ABCA7: variants seen among roughly 807,000 people sequenced by gnomAD.
ABCA7 encodes the protein ATP binding cassette subfamily A member 7.
Under a neutral mutation model 227.6 loss-of-function variants are expected in ABCA7, and 261 were observed. That is an observed-to-expected ratio of 1.15 (90% confidence interval 1.04 to 1.27). ABCA7 has a LOEUF of 1.27. ABCA7 is among the 50% of genes most tolerant of loss of function. The probability of loss-of-function intolerance (pLI) is 0.00; values close to 1 mark genes in which losing one functional copy is unlikely to be tolerated. For missense variants in ABCA7, 3,331 were observed against 2,924.5 expected (o/e 1.14, Z -3.21); for synonymous variants, 1,488 against 1,279.7 (o/e 1.16, Z -3.47).
At position 1,042,076 on chromosome 19, in the gene ABCA7, G is replaced by A. The variant is rs371660184; in HGVS notation, c.315G>A (p.Leu105=). The A allele has an allele frequency of 2.5e-6, 4 of 1,593,954 alleles. No individual in the cohort carries two copies. Among genetic ancestry groups the A allele is most frequent in the Non-Finnish European group, 3.4e-6 (4 of 1,176,874 alleles). ...TCTCTGTCCCCAGGGTCTCCCGGCT[G>A]CTAGCCGATGCCCGCACTGTGCTGG... The part of the protein sequence containing the change: ...SNFNDSLVSR[L]LADARTVLGG... The change falls in exon 5 of 47, where the codon CTG becomes CTA. Residue 105 remains leucine (L), a synonymous_variant. Transcript: ENST00000263094.
At position 1,046,944 on chromosome 19, in the gene ABCA7, G is replaced by C. The variant is rs766735311; in HGVS notation, c.1765G>C (p.Ala589Pro). 13 of 1,568,130 alleles carry C rather than the reference G, an allele frequency of 8.3e-6. No homozygotes were observed. In the South Asian group the frequency reaches 1.5e-4, roughly 18 times the overall value. ...CATGCGCGCCATGGGGCTCAGCCGC[G>C]CGGTGCTCTGGCTAGGCTGGTTCCT... ...DTMRAMGLSR[A>P]VLWLGWFLSC... Residue 589 changes from alanine to proline, a missense_variant, in exon 14 of 47, where the codon GCG becomes CCG. Transcript: ENST00000263094.
intron 1 of ABCA7, among the ~76,000 whole-genome samples, chr19:1,040,518 T>C (rs2039919681): frequency 6.6e-6 from 1 of 152,132 alleles, no homozygotes; most frequent in Non-Finnish European, 1.5e-5. Context: ...GAAAGAACCC[T>C]GGCGTAAGGG....
chr19:1,061,270 G>A (rs1056385997), intron 40 of ABCA7, among the ~76,000 whole-genome samples: 6 of 151,722 alleles, frequency 4.0e-5, no homozygotes, highest in Non-Finnish European at 8.8e-5. Context: ...GGTGGCACAC[G>A]CCTGTAGTCC....
In ABCA7 at chr19:1,058,174, A is replaced by T; in HGVS notation, c.5054A>T (p.Lys1685Ile). The change falls in exon 37 of 47, where the codon AAA (lysine) becomes ATA (isoleucine). Residue 1685 changes from lysine (K) to isoleucine (I), a missense_variant. Physicochemically the swap from Lys to Ile is moderately radical, Grantham distance 102. Coordinates refer to ENST00000263094, the MANE Select transcript of ABCA7 (RefSeq NM_019112.4). ...CTGCAGGAGGTGAGCCGGATCTTGA[A>T]ACAGGTCTTCCTTATCTTCCCCCAC... ...QKLQEVSRIL[K>I]QVFLIFPHFC... The T allele has an allele frequency of 6.2e-7, 1 of 1,613,768 alleles. No individual in the cohort carries two copies. The highest frequency in any genetic ancestry group is 8.5e-7 in the Non-Finnish European group (1 of 1,179,948).
chr19:1,061,034 A>G (rs553905134), intron 40 of ABCA7, among the ~76,000 whole-genome samples: 81 of 152,210 alleles, frequency 5.3e-4, no homozygotes, highest in Admixed American at 8.5e-4. Flanking sequence ...ATGCCTCGCT[A>G]CATACCCCAA....
At chr19:1,063,736 T>C in intron 43 of ABCA7, 24 bp from the exon 44 acceptor site, 2 of 1,549,486 alleles carry the variant, frequency 1.3e-6, no homozygotes. Flanking sequence ...GGGCCTTGCT[T>C]ATGGGATCTT....
rs1331420025 is a variant in ABCA7 at position 1,059,055 on chromosome 19, C to A, written c.5433C>A (p.Asp1811Glu). The A allele has an allele frequency of 2.6e-5, 42 of 1,613,764 alleles. No homozygotes were observed. Among genetic ancestry groups the A allele is most frequent in the Non-Finnish European group, 3.6e-5 (42 of 1,179,968 alleles). ...GTGGGCAGAGGATGCCAGCTGTTGA[C>A]CGCTTGTGCCTGGGGATTCCCCCTG... Reference protein sequence around the residue: ...VYRGQRMPAVDRLCLGIPPGE... With the variant: ...VYRGQRMPAVERLCLGIPPGE... The change falls in exon 40 of 47, where the codon GAC (aspartate) becomes GAA (glutamate). Residue 1811 changes from aspartate to glutamate, a missense_variant. Coordinates refer to ENST00000263094, the MANE Select transcript of ABCA7 (RefSeq NM_019112.4).
At chr19:1,043,520 C>A in intron 9 of ABCA7, 47 bp downstream of exon 9, 1 of 1,612,484 alleles carries the variant, frequency 6.2e-7, no homozygotes, top group Non-Finnish European at 8.5e-7. Flanking sequence ...GGCCAGAGCC[C>A]ATCCAGTACC....
At position 1,056,913 on chromosome 19, in the gene ABCA7, C is replaced by G; in HGVS notation, c.4593C>G (p.Ala1531=). 6.2e-7 allele frequency: 1 copy of G among 1,613,348 alleles called. No homozygotes were observed. Among genetic ancestry groups the G allele is most frequent in the Non-Finnish European group, 8.5e-7 (1 of 1,179,506 alleles). ...CTCATGTCTTCACCTCCAGGATGGC[C>G]TCCTCGGTGGACGTCCTCGTCTCCA... is the stretch of plus-strand genomic sequence containing the variant. ...KEQLSEGALM[A]SSVDVLVSIC... The change falls in exon 34 of 47, where the codon GCC becomes GCG. Residue 1531 remains alanine (A), a synonymous_variant. Transcript: ENST00000263094. The surrounding 1 kb of genome is among the most constrained non-coding windows in gnomAD (Gnocchi z 4.3).
In ABCA7 at chr19:1,054,599, G is replaced by A. The variant is rs2042079078; in HGVS notation, c.3756G>A (p.Leu1252=). 1 of 1,612,642 alleles carries A rather than the reference G, an allele frequency of 6.2e-7. No homozygotes were observed. The highest frequency in any genetic ancestry group is 1.7e-5 in the Admixed American group (1 of 60,016). The change falls in exon 28 of 47, where the codon CTG becomes CTA. Residue 1252 remains leucine (L), a synonymous_variant. Coordinates refer to ENST00000263094, the MANE Select transcript of ABCA7 (RefSeq NM_019112.4). The surrounding 1 kb of genome is among the most constrained non-coding windows in gnomAD (Gnocchi z 4.8). ...TGCTGCCTGCCCTCTTTGTGGGCCT[G>A]GCCCTCGTGTTCAGCCTCATCGTGC... ...QIVLPALFVG[L]ALVFSLIVPP...
rs940011934 is a variant in ABCA7 at position 1,045,160 on chromosome 19, C to T, written c.1374C>T (p.Gly458=). 2 of 1,612,910 alleles carry T rather than the reference C, an allele frequency of 1.2e-6. No homozygotes were observed. The highest frequency in any genetic ancestry group is 1.7e-6 in the Non-Finnish European group (2 of 1,179,996). The change falls in exon 12 of 47, where the codon GGC becomes GGT. Residue 458 remains glycine (G), a synonymous_variant. Transcript: ENST00000263094. Reference sequence around the variant, plus strand: ...CAGAGCACCCAACCCCAGACCTGGGCCCCGGCCACGTGCGCATCAAAATCC... The same window carrying T: ...CAGAGCACCCAACCCCAGACCTGGGTCCCGGCCACGTGCGCATCAAAATCC... ...DPTEHPTPDL[G]PGHVRIKIRM... is the part of the protein sequence containing the mutation.
rs143336631 is a variant in ABCA7 at position 1,050,973 on chromosome 19, G to T, written c.2605G>T (p.Gly869Cys). 6.2e-7 allele frequency: 1 copy of T among 1,612,114 alleles called. No individual in the cohort carries two copies. Among genetic ancestry groups the T allele is most frequent in the African/African-American group, 1.3e-5 (1 of 74,944 alleles). ...PPSGGSAFIL[G>C]HDVRSSMAAI... ...CAGTGGTGGCTCTGCCTTCATCCTG[G>T]GCCACGACGTCCGCTCCAGCATGGC... Residue 869 changes from glycine to cysteine, a missense_variant, in exon 19 of 47, where the codon GGC becomes TGC. Coordinates refer to ENST00000263094, the MANE Select transcript of ABCA7 (RefSeq NM_019112.4).
rs200770980 is a variant in ABCA7, at chr19:1,046,279, G to A, written c.1495G>A (p.Val499Met). 11 of 1,606,650 alleles carry A rather than the reference G, an allele frequency of 6.8e-6. No individual in the cohort carries two copies. The highest frequency in any genetic ancestry group is 6.7e-5 in the African/African-American group (5 of 75,060). Residue 499 changes from valine (V) to methionine (M), a missense_variant, in exon 13 of 47, where the codon GTG becomes ATG. Val to Met is a conservative substitution (Grantham distance 21). Coordinates refer to ENST00000263094, the MANE Select transcript of ABCA7 (RefSeq NM_019112.4). Reference protein sequence around the residue: ...AADPLTDLRYVWGGFVYLQDL... With the variant: ...AADPLTDLRYMWGGFVYLQDL... ...GGACCCCCTGACCGACCTGCGCTACGTGTGGGGCGGCTTCGTGTACCTGCA... is the reference window on the plus strand; with the variant it reads ...GGACCCCCTGACCGACCTGCGCTACATGTGGGGCGGCTTCGTGTACCTGCA...
chr19:1,051,976 T>TG lies in ABCA7; in HGVS notation c.2998dup (p.Glu1000GlyfsTer49). ...TGATCCTCTCCACCCACCACCTGGA[T>TG]GAGGCAGAGCTGCTGGGAGACCGTG... is the stretch of plus-strand genomic sequence containing the variant. On this transcript the variant is annotated frameshift_variant, in exon 22 of 47. Coordinates refer to ENST00000263094, the MANE Select transcript of ABCA7 (RefSeq NM_019112.4). LOFTEE classifies it high-confidence loss of function. The TG allele has an allele frequency of 6.2e-7, 1 of 1,612,134 alleles. No individual in the cohort carries two copies. The highest frequency in any genetic ancestry group is 8.5e-7 in the Non-Finnish European group (1 of 1,179,882).
rs764106541 is a variant in ABCA7, at chr19:1,059,131, C to G, written c.5463+46C>G. On this transcript the variant is annotated intron_variant, in intron 40 of 46. Coordinates refer to ENST00000263094, the MANE Select transcript of ABCA7 (RefSeq NM_019112.4). ...CAGGTGCAGGGACAGTGAGTGGCTG[C>G]CCTACTGCATGCCCTGCCCATCATC... is the stretch of plus-strand genomic sequence containing the variant. 4.4e-6 allele frequency: 7 copies of G among 1,589,580 alleles called. No individual in the cohort carries two copies. The South Asian group carries it at 5.7e-5, about 13-fold the overall frequency.
intron 1 of ABCA7, among the ~76,000 whole-genome samples, chr19:1,040,937 C>T (rs1203338616): frequency 6.6e-6 from 1 of 151,846 alleles, no homozygotes; most frequent in East Asian, 1.9e-4. Context: ...GAAAGGAATC[C>T]TTGCCTGGGC....
chr19:1,041,472 C>G (rs1338324064), intron 2 of ABCA7, 38 bp from the exon 3 acceptor site: 1 of 1,613,604 alleles, frequency 6.2e-7, no homozygotes, highest in Non-Finnish European at 8.5e-7. Context: ...CAGGCAGCCC[C>G]CACTGTCCCC....
chr19:1,057,407 C>T lies in ABCA7; in HGVS notation c.4858C>T (p.Leu1620=). ...GGCCCCTGCCAACCTGCCTGCTCTC[C>T]TGCTGTTGCTACTACTGTATGGGTG... ...YVAPANLPAL[L]LLLLLYGWSI... is the part of the protein sequence containing the mutation. Residue 1620 remains leucine, a synonymous_variant, in exon 35 of 47, where the codon CTG becomes TTG. Transcript: ENST00000263094. The T allele has an allele frequency of 6.2e-7, 1 of 1,613,968 alleles. No individual in the cohort carries two copies. The highest frequency in any genetic ancestry group is 8.5e-7 in the Non-Finnish European group (1 of 1,180,034).
At chr19:1,046,750 G>A (rs955340251) in intron 13 of ABCA7, 52 bp from the exon 14 acceptor site, 1 of 1,469,284 alleles carries the variant, frequency 6.8e-7, no homozygotes, top group Non-Finnish European at 9.1e-7. Flanking sequence ...GGTGGGCGGA[G>A]GGGGGGTCTG....
Sources: gnomAD v4.1 joint callset for allele counts (sites outside exome capture counted in the v4.1 genomes callset) on GRCh38, gnomAD v4.1.1 for gene constraint, Gnocchi (gnomAD v3.1) non-coding constraint, MANE v1.5 for transcripts, NCBI Gene and HGNC (gene_info 2026-07-23, HGNC 2026-07-21) for gene names.